PVT1: variants seen among roughly 807,000 people sequenced by gnomAD.
The protein encoded by PVT1 is CXCR4/PVT1 fusion.
At chr8:127,839,423 A>C (rs1814947435) in intron 2 of PVT1, among the ~76,000 whole-genome samples, 1 of 151,808 alleles carries the variant, frequency 6.6e-6, no homozygotes, top group Admixed American at 6.6e-5. Context: ...GGTGGCATAG[A>C]CTTGTGGTCC....
chr8:128,039,509 G>A (rs1170600036), intron 4 of PVT1, among the ~76,000 whole-genome samples: 1 of 152,130 alleles, frequency 6.6e-6, no homozygotes, highest in African/African-American at 2.4e-5. Flanking sequence ...CTTGTAGCTG[G>A]GTGGGTTTCA....
rs148216751 is a variant in PVT1, at chr8:128,001,920, C to T, written n.912+12629C>T. Among the ~76,000 whole-genome samples the T allele has an allele frequency of 3.9e-3, 596 of 152,242 alleles. 3 individuals are homozygous for T. The highest frequency in any genetic ancestry group is 6.6e-3 in the Non-Finnish European group (446 of 68,006). On this transcript the variant is annotated intron_variant and non_coding_transcript_variant, in intron 4 of 10. Coordinates refer to ENST00000651587, the Ensembl canonical transcript of PVT1. ...CTCAACACTCGTGACTGGATCGCCTCCCAAAGCCCCTACCTCCAAATCCCA... is the reference window on the plus strand; with the variant it reads ...CTCAACACTCGTGACTGGATCGCCTTCCAAAGCCCCTACCTCCAAATCCCA...
chr8:127,840,452 T>G (rs930777494), intron 2 of PVT1, among the ~76,000 whole-genome samples: 1 of 152,250 alleles, frequency 6.6e-6, no homozygotes, highest in Non-Finnish European at 1.5e-5. Context: ...CAGAGCCCAT[T>G]GTAAAGTCAT....
At chr8:127,893,024 C>T (rs1434308390) in intron 3 of PVT1, among the ~76,000 whole-genome samples, 1 of 152,136 alleles carries the variant, frequency 6.6e-6, no homozygotes, top group Non-Finnish European at 1.5e-5. Flanking sequence ...TTGTGGTGGT[C>T]TGGGTTATCT....
intron 4 of PVT1, among the ~76,000 whole-genome samples, chr8:128,001,000 T>C (rs1163338553): frequency 6.6e-6 from 1 of 152,266 alleles, no homozygotes; most frequent in African/African-American, 2.4e-5. Flanking sequence ...ACATTTGGTA[T>C]GTTTCCTCTT....
intron 3 of PVT1, among the ~76,000 whole-genome samples, chr8:127,959,586 GAAAAAAAAAAAA>G (rs34255005): frequency 1.3e-5 from 1 of 76,504 alleles, no homozygotes; most frequent in African/African-American, 5.3e-5. Flanking sequence ...TCTGTCTCAG[GAAAAAAAAAAAA>G]AAAAAAAAAA....
intron 4 of PVT1, among the ~76,000 whole-genome samples, chr8:128,039,560 C>T (rs373613229): frequency 2.6e-5 from 4 of 152,300 alleles, no homozygotes; most frequent in Admixed American, 2.0e-4. Context: ...GCAGCCATAC[C>T]TCAGGGGAGA....
At chr8:127,952,096 G>A (rs181610480) in intron 3 of PVT1, among the ~76,000 whole-genome samples, 1 of 152,250 alleles carries the variant, frequency 6.6e-6, no homozygotes, top group African/African-American at 2.4e-5. Flanking sequence ...TTACAGACGT[G>A]AGCCACCGCG....
At chr8:127,812,257 AGGAAGGC>A (rs1333316100) in intron 2 of PVT1, among the ~76,000 whole-genome samples, 7 of 112,876 alleles carry the variant, frequency 6.2e-5, no homozygotes, top group Admixed American at 1.6e-4. Flanking sequence ...GCAGGAAGGC[AGGAAGGC>A]AGGAAGGAAG....
At chr8:127,984,837 T>TTTTCTTTTC (rs1196758951) in intron 3 of PVT1, among the ~76,000 whole-genome samples, 31 of 81,330 alleles carry the variant, frequency 3.8e-4, no homozygotes, top group African/African-American at 5.2e-4. Flanking sequence ...CTTTCTTTTC[T>TTTTCTTTTC]TTTCTTTCTT....
intron 3 of PVT1, among the ~76,000 whole-genome samples, chr8:127,913,967 C>A (rs185144931): frequency 9.5e-4 from 144 of 152,174 alleles, no homozygotes; most frequent in African/African-American, 3.2e-3. Flanking sequence ...TGGCCTCACA[C>A]CTGCTTTTCA....
intron 2 of PVT1, among the ~76,000 whole-genome samples, chr8:127,880,596 CT>C (rs35252729): frequency 0.16 from 17,639 of 108,070 alleles, 1,410 homozygotes; most frequent in Non-Finnish European, 0.22. Context: ...GCCCCCGGCC[CT>C]TTTTTTTTTT....
intron 2 of PVT1, among the ~76,000 whole-genome samples, chr8:127,819,854 T>G (rs1003396640): frequency 2.0e-5 from 3 of 152,214 alleles, no homozygotes; most frequent in Admixed American, 2.0e-4. Flanking sequence ...CATTAACCTC[T>G]AAGAAATGCA....
chr8:128,041,389 A>G (rs184939963), intron 4 of PVT1, among the ~76,000 whole-genome samples: 3 of 126,058 alleles, frequency 2.4e-5, no homozygotes, highest in African/African-American at 9.2e-5. Flanking sequence ...GCATATGTGT[A>G]TGTGTGTGTT....
chr8:128,048,574 C>G (rs976917015), intron 4 of PVT1: 1 of 152,246 alleles, frequency 6.6e-6, no homozygotes. Flanking sequence ...TGAGCCGATC[C>G]TCCCCAGAAG....
At chr8:128,052,970 TC>T (rs1813716571) in intron 4 of PVT1, among the ~76,000 whole-genome samples, 1 of 152,230 alleles carries the variant, frequency 6.6e-6, no homozygotes, top group South Asian at 2.1e-4. Context: ...ATCTAACCAC[TC>T]TGCCAGACCT....
chr8:128,008,902 G>A (rs755944050), intron 4 of PVT1: 1 of 522,644 alleles, frequency 1.9e-6, no homozygotes, highest in South Asian at 1.4e-5. Context: ...TCATATCAGT[G>A]TTCATGTAGA....
At chr8:128,009,168 G>A (rs1006830028) in intron 4 of PVT1, among the ~76,000 whole-genome samples, 1 of 149,914 alleles carries the variant, frequency 6.7e-6, no homozygotes, top group Non-Finnish European at 1.5e-5. Context: ...GGGGCCACAG[G>A]GTAAGGAAAA....
intron 4 of PVT1, among the ~76,000 whole-genome samples, chr8:128,039,752 T>C (rs1813509209): frequency 6.6e-6 from 1 of 152,196 alleles, no homozygotes; most frequent in Non-Finnish European, 1.5e-5. Context: ...GAAAGTGGAC[T>C]GGAAGTGGCA....
Sources: gnomAD v4.1 joint callset for allele counts (sites outside exome capture counted in the v4.1 genomes callset) on GRCh38, gnomAD v4.1.1 for gene constraint, MANE v1.5 for transcripts, NCBI Gene and HGNC (gene_info 2026-07-23, HGNC 2026-07-21) for gene names.